Variants in NPAS3 observed in about 807,000 individuals in gnomAD.
NPAS3 encodes neuronal PAS domain protein 3, also known as neuronal PAS domain-containing protein 3.
Under a neutral mutation model 73.1 loss-of-function variants are expected in NPAS3, and 14 were observed. The observed-to-expected ratio is 0.19, with a 90% CI of 0.13 to 0.30. The LOEUF (loss-of-function observed/expected upper bound fraction) is 0.30. Ranked by LOEUF, NPAS3 falls within the 10% of genes least tolerant of loss-of-function variation. The probability of loss-of-function intolerance (pLI) is 1.00; values close to 1 mark genes in which losing one functional copy is unlikely to be tolerated. For missense variants in NPAS3, 1,096 were observed against 1,250.0 expected, an observed-to-expected ratio of 0.88 and a Z score of 1.86; for synonymous variants, 620 against 541.5, an observed-to-expected ratio of 1.14 and a Z score of -2.01.
chr14:33,765,413 A>T (rs1436928235), intron 7 of NPAS3, among the ~76,000 whole-genome samples: 1 of 151,978 alleles, frequency 6.6e-6, no homozygotes, highest in Non-Finnish European at 1.5e-5. Context: ...GAGCTCAGCC[A>T]GGGGCCGGCT....
intron 6 of NPAS3, among the ~76,000 whole-genome samples, chr14:33,732,428 C>A (rs2061423929): frequency 6.6e-6 from 1 of 152,200 alleles, no homozygotes. Flanking sequence ...ATGAGAGACA[C>A]CATTGTCACA....
rs560943609 is a variant in NPAS3 at position 33,055,635 on chromosome 14, T to C, written c.51-270T>C. Among the ~76,000 whole-genome samples, 10 of 152,214 alleles carry C rather than the reference T, an allele frequency of 6.6e-5. No individual in the cohort carries two copies. The South Asian group carries it at 2.1e-3, about 32-fold the overall frequency. On this transcript the variant is annotated intron_variant, in intron 1 of 11. Coordinates refer to ENST00000356141, the Ensembl canonical transcript of NPAS3. ...GAGTTAAGGTTTAGACCTATGTCTC[T>C]TTTCTTCCACTTTTATGACTCTGAG...
chr14:33,430,576 T>C (rs2048742646), intron 4 of NPAS3, among the ~76,000 whole-genome samples: 1 of 152,114 alleles, frequency 6.6e-6, no homozygotes, highest in Non-Finnish European at 1.5e-5. Context: ...AAGACAACTG[T>C]TCCTCACCCA....
At chr14:33,092,548 G>A (rs539093423) in intron 2 of NPAS3, among the ~76,000 whole-genome samples, 15 of 152,252 alleles carry the variant, frequency 9.9e-5, no homozygotes, top group African/African-American at 1.4e-4. Context: ...ACTGTCCAAG[G>A]TAATTTATAG....
At chr14:33,210,101 C>T (rs1379469970) in intron 2 of NPAS3, among the ~76,000 whole-genome samples, 3 of 152,106 alleles carry the variant, frequency 2.0e-5, no homozygotes, top group African/African-American at 7.2e-5. Context: ...ATATTATTTC[C>T]ATAATCATTA....
intron 4 of NPAS3, among the ~76,000 whole-genome samples, chr14:33,411,025 G>A (rs1254650263): frequency 6.6e-6 from 1 of 152,124 alleles, no homozygotes; most frequent in African/African-American, 2.4e-5. Context: ...CTTGAACCCA[G>A]ACTTATCAGT....
At chr14:33,603,434 A>G (rs905232219) in intron 5 of NPAS3, among the ~76,000 whole-genome samples, 1 of 152,200 alleles carries the variant, frequency 6.6e-6, no homozygotes. Flanking sequence ...ATAAGGACTG[A>G]ACATTTTTCC....
intron 4 of NPAS3, among the ~76,000 whole-genome samples, chr14:33,487,714 T>C (rs1244422475): frequency 6.6e-6 from 1 of 152,168 alleles, no homozygotes; most frequent in Non-Finnish European, 1.5e-5. Flanking sequence ...AAAGTAAGCT[T>C]TTCGTGGAAA....
chr14:33,787,753 C>A (rs770964135), intron 9 of NPAS3, among the ~76,000 whole-genome samples: 1 of 152,114 alleles, frequency 6.6e-6, no homozygotes, highest in African/African-American at 2.4e-5. Flanking sequence ...GTCTCTTTTG[C>A]GAGTAAATAA....
chr14:33,677,622 A>G (rs999433555), intron 6 of NPAS3, among the ~76,000 whole-genome samples: 21 of 151,972 alleles, frequency 1.4e-4, no homozygotes, highest in African/African-American at 5.1e-4. Flanking sequence ...CAGAAGGAAA[A>G]AAAAAAAACA....
intron 2 of NPAS3, among the ~76,000 whole-genome samples, chr14:33,096,540 C>T (rs1040213564): frequency 3.3e-5 from 5 of 152,188 alleles, no homozygotes; most frequent in African/African-American, 1.2e-4. Flanking sequence ...CAGGGTTTGT[C>T]AGTCAAATCT....
intron 5 of NPAS3, among the ~76,000 whole-genome samples, chr14:33,639,597 T>C (rs913517933): frequency 6.6e-6 from 1 of 152,102 alleles, no homozygotes; most frequent in African/African-American, 2.4e-5. Flanking sequence ...TCTTTCTGAG[T>C]TCAGGTACAT....
In NPAS3 at chr14:33,442,055, G is replaced by A. The variant is rs144406873; in HGVS notation, c.468+74787G>A. Among the ~76,000 whole-genome samples the A allele has an allele frequency of 4.1e-3, 630 of 152,196 alleles. 2 individuals carry two copies. Among genetic ancestry groups the A allele is most frequent in the Middle Eastern group, 0.027 (8 of 294 alleles). On this transcript the variant is annotated intron_variant, in intron 4 of 11. Transcript: ENST00000356141. ...TCCCTTAATTATTTCATGATTCCTC[G>A]TATGACATAGTTTGCAGATTTCTCG...
At chr14:33,496,036 A>G (rs955208746) in intron 4 of NPAS3, among the ~76,000 whole-genome samples, 1 of 152,188 alleles carries the variant, frequency 6.6e-6, no homozygotes, top group East Asian at 1.9e-4. Context: ...CACTAATCCC[A>G]CAGAAATACA....
At chr14:33,534,163 T>G (rs2054159248) in intron 4 of NPAS3, among the ~76,000 whole-genome samples, 1 of 147,846 alleles carries the variant, frequency 6.8e-6, no homozygotes, top group Non-Finnish European at 1.5e-5. Context: ...ACCAAATTAA[T>G]AAGAAGACTT....
chr14:33,559,036 C>T (rs1332620478), intron 4 of NPAS3, among the ~76,000 whole-genome samples: 1 of 152,300 alleles, frequency 6.6e-6, no homozygotes, highest in East Asian at 1.9e-4. Flanking sequence ...TGCTGTATTG[C>T]AGTTGGAGTT....
intron 5 of NPAS3, among the ~76,000 whole-genome samples, chr14:33,628,970 G>A (rs200813132): frequency 1.3e-5 from 2 of 152,022 alleles, no homozygotes; most frequent in East Asian, 3.9e-4. Flanking sequence ...AGTGGCTCAC[G>A]CCTGTAATCC....
chr14:33,203,494 C>T (rs1566673086), intron 2 of NPAS3, among the ~76,000 whole-genome samples: 1 of 152,066 alleles, frequency 6.6e-6, no homozygotes, highest in Non-Finnish European at 1.5e-5. Context: ...ACAACAGGCC[C>T]CGGTGTGTGA....
At chr14:32,996,286 A>C (rs574461567) in intron 1 of NPAS3, among the ~76,000 whole-genome samples, 1 of 152,336 alleles carries the variant, frequency 6.6e-6, no homozygotes, top group African/African-American at 2.4e-5. Flanking sequence ...TAAGGAAAAA[A>C]GAGTATAAAA....
Sources: gnomAD v4.1 joint callset for allele counts (sites outside exome capture counted in the v4.1 genomes callset) on GRCh38, gnomAD v4.1.1 for gene constraint, MANE v1.5 for transcripts, NCBI Gene and HGNC (gene_info 2026-07-23, HGNC 2026-07-21) for gene names.